NAV3: variants seen among roughly 807,000 people sequenced by gnomAD.
NAV3 encodes the protein pore membrane and/or filament interacting like protein 1.
NAV3 carries 87 observed loss-of-function variants against 244.7 expected under a neutral mutation model. The ratio of observed to expected loss-of-function variants is 0.36; its 90% CI spans 0.30 to 0.42. NAV3 has a LOEUF of 0.42. Ranked by LOEUF, NAV3 falls within the 20% of genes least tolerant of loss-of-function variation. The probability of loss-of-function intolerance (pLI) is 1.00; values close to 1 mark genes in which losing one functional copy is unlikely to be tolerated. For missense variants in NAV3, 2,663 were observed against 2,893.3 expected, an observed-to-expected ratio of 0.92 and a Z score of 1.83; for synonymous variants, 1,126 against 1,042.2, an observed-to-expected ratio of 1.08 and a Z score of -1.55.
At chr12:78,198,544 T>C in intron 35 of NAV3, 61 bp from the exon 36 acceptor site, 1 of 1,016,064 alleles carries the variant, frequency 9.8e-7, no homozygotes, top group Non-Finnish European at 1.5e-6. Context: ...CCAAGATAAT[T>C]TTAATGAATT....
At chr12:78,090,731 T>C (rs904646236) in intron 12 of NAV3, among the ~76,000 whole-genome samples, 1 of 152,192 alleles carries the variant, frequency 6.6e-6, no homozygotes, top group Non-Finnish European at 1.5e-5. Flanking sequence ...CACACCACTG[T>C]CTTTATGACC....
intron 1 of NAV3, among the ~76,000 whole-genome samples, chr12:77,930,058 C>T (rs890886570): frequency 1.3e-5 from 2 of 152,036 alleles, no homozygotes; most frequent in African/African-American, 4.8e-5. Flanking sequence ...ATCCCTAGCT[C>T]CTCTCCAACA....
chr12:78,207,954 G>C (rs1288745751), intron 39 of NAV3, among the ~76,000 whole-genome samples: 1 of 152,148 alleles, frequency 6.6e-6, no homozygotes, highest in African/African-American at 2.4e-5. Context: ...TGATGATAAG[G>C]ACTTGATCAA....
At chr12:77,768,623 C>G (rs1314589706) in intron 2 of NAV3, among the ~76,000 whole-genome samples, 2 of 152,240 alleles carry the variant, frequency 1.3e-5, no homozygotes, top group Non-Finnish European at 2.9e-5. Context: ...GAGTGGGGAG[C>G]TGCCAGGCAG....
intron 2 of NAV3, among the ~76,000 whole-genome samples, chr12:77,767,732 G>A (rs907907479): frequency 6.6e-6 from 1 of 152,214 alleles, no homozygotes; most frequent in East Asian, 1.9e-4. Context: ...GGAGACACCA[G>A]AAACTGCAGA....
At chr12:77,777,643 A>T (rs1870433205) in intron 2 of NAV3, among the ~76,000 whole-genome samples, 1 of 152,222 alleles carries the variant, frequency 6.6e-6, no homozygotes, top group African/African-American at 2.4e-5. Flanking sequence ...ACAGAAACTG[A>T]AACAGTGGAT....
chr12:78,010,967 C>G (rs1210730908), intron 8 of NAV3: 1 of 152,092 alleles, frequency 6.6e-6, no homozygotes, highest in Non-Finnish European at 1.5e-5. Flanking sequence ...ATTAGCCTAA[C>G]TTCCTATCTA....
intron 23 of NAV3, among the ~76,000 whole-genome samples, chr12:78,165,407 A>G (rs900878999): frequency 6.6e-6 from 1 of 151,672 alleles, no homozygotes; most frequent in African/African-American, 2.4e-5. Context: ...TTGATGGCAT[A>G]TACATTTTTC....
intron 16 of NAV3, 69 bp downstream of exon 16, chr12:78,122,497 A>C (rs1955718658): frequency 6.7e-7 from 1 of 1,485,658 alleles, no homozygotes; most frequent in South Asian, 1.4e-5. Flanking sequence ...CCCCCACCCC[A>C]TTAAATTCCC....
At chr12:77,925,679 G>T (rs1056973874) in intron 1 of NAV3, among the ~76,000 whole-genome samples, 2 of 152,102 alleles carry the variant, frequency 1.3e-5, no homozygotes, top group Non-Finnish European at 2.9e-5. Flanking sequence ...ACTGTTAGCC[G>T]ATGGTCTTGC....
chr12:78,033,301 G>T (rs1338371305), intron 9 of NAV3, among the ~76,000 whole-genome samples: 1 of 151,574 alleles, frequency 6.6e-6, no homozygotes, highest in African/African-American at 2.4e-5. Flanking sequence ...AATCAGTTTA[G>T]GTCTTTTACT....
rs181537420 is a variant in NAV3, at chr12:77,696,172, G to T, written c.72+123906G>T. Among the ~76,000 whole-genome samples, 3 of 152,222 alleles carry T rather than the reference G, an allele frequency of 2.0e-5. No individual in the cohort carries two copies. In the East Asian group the frequency reaches 5.8e-4, roughly 29 times the overall value. ...AATAATTTTTCCTCTTGATACCTAT[G>T]CCCTTATGTAATCCCCTTTCCTTGA... On this transcript the variant is annotated intron_variant, in intron 2 of 8. Coordinates refer to the NAV3 transcript ENST00000550042.
intron 34 of NAV3, among the ~76,000 whole-genome samples, chr12:78,191,141 A>G (rs1260022677): frequency 6.6e-6 from 1 of 152,070 alleles, no homozygotes; most frequent in East Asian, 1.9e-4. Context: ...AATAAATGTG[A>G]CTCCCAAGAG....
chr12:78,057,167 A>G (rs1883631526), intron 11 of NAV3, among the ~76,000 whole-genome samples: 2 of 152,200 alleles, frequency 1.3e-5, no homozygotes, highest in Admixed American at 6.5e-5. Context: ...ACCCTGGAAA[A>G]TTGGGATAAA....
intron 2 of NAV3, among the ~76,000 whole-genome samples, chr12:77,691,861 T>G (rs1875048878): frequency 6.6e-6 from 1 of 151,944 alleles, no homozygotes; most frequent in Non-Finnish European, 1.5e-5. Flanking sequence ...TGAACTCAGA[T>G]CTGTCAGAAA....
intron 2 of NAV3, among the ~76,000 whole-genome samples, chr12:77,794,916 C>T (rs974321805): frequency 2.6e-5 from 4 of 152,158 alleles, no homozygotes; most frequent in African/African-American, 7.2e-5. Context: ...ATCTCTGTCC[C>T]TCTCCCTGGG....
At chr12:77,985,570 CTT>C (rs58504254) in intron 5 of NAV3, among the ~76,000 whole-genome samples, 1 of 146,546 alleles carries the variant, frequency 6.8e-6, no homozygotes, top group East Asian at 2.0e-4. Flanking sequence ...TCTTTCTCTA[CTT>C]TTTTTTTTTG....
intron 5 of NAV3, among the ~76,000 whole-genome samples, chr12:77,986,571 G>A (rs902896110): frequency 1.3e-5 from 2 of 152,040 alleles, no homozygotes; most frequent in Admixed American, 1.3e-4. Context: ...AATTCTGTAT[G>A]TGTATTATGT....
chr12:78,078,579 TAG>T (rs1227086155), intron 12 of NAV3, among the ~76,000 whole-genome samples: 2 of 151,618 alleles, frequency 1.3e-5, no homozygotes, highest in Non-Finnish European at 2.9e-5. Context: ...GTATTTTTAG[TAG>T]AGACGGGGTT....
Sources: allele counts gnomAD v4.1 joint callset (sites outside exome capture counted in the v4.1 genomes callset), GRCh38; gene constraint gnomAD v4.1.1; transcripts MANE v1.5; gene names NCBI Gene and HGNC (gene_info 2026-07-23, HGNC 2026-07-21).